CNTN5: variants seen among roughly 807,000 people sequenced by gnomAD.
CNTN5 encodes contactin 5.
A neutral mutation model predicts 129.1 loss-of-function variants in CNTN5; 77 were observed. The ratio of observed to expected loss-of-function variants is 0.60; its 90% CI spans 0.50 to 0.72. The LOEUF (loss-of-function observed/expected upper bound fraction) is 0.72, where lower values mean the gene tolerates loss of function less well. Among genes scored for constraint, CNTN5 ranks in the 30% least tolerant of loss-of-function variants. The probability of loss-of-function intolerance (pLI) is 0.00; values close to 1 mark genes in which losing one functional copy is unlikely to be tolerated. For missense variants in CNTN5, 1,478 were observed against 1,328.8 expected (o/e 1.11, Z -1.75); for synonymous variants, 509 against 465.6 (o/e 1.09, Z -1.20).
At chr11:99,455,844 G>A (rs143129124) in intron 2 of CNTN5, among the ~76,000 whole-genome samples, 25 of 152,214 alleles carry the variant, frequency 1.6e-4, no homozygotes, top group Middle Eastern at 6.8e-3. Context: ...TCATTTAGGC[G>A]TAATATTGCT....
intron 3 of CNTN5, chr11:99,558,102 G>A: frequency 5.6e-6 from 1 of 177,168 alleles, no homozygotes; most frequent in Middle Eastern, 1.6e-3. Context: ...TATCTCAAAG[G>A]CATTAAGAGT....
chr11:99,516,544 T>C (rs1034107843), intron 2 of CNTN5, among the ~76,000 whole-genome samples: 2 of 152,010 alleles, frequency 1.3e-5, no homozygotes, highest in African/African-American at 2.4e-5. Flanking sequence ...TCCACACACA[T>C]ACATGCTTAC....
At chr11:99,625,565 T>C (rs1038451604) in intron 3 of CNTN5, among the ~76,000 whole-genome samples, 70 of 152,182 alleles carry the variant, frequency 4.6e-4, no homozygotes, top group Admixed American at 9.2e-4. Context: ...TCTTAATTAA[T>C]GACCAAAATA....
intron 1 of CNTN5, among the ~76,000 whole-genome samples, chr11:99,265,714 A>G (rs981920409): frequency 1.3e-5 from 2 of 152,028 alleles, no homozygotes; most frequent in African/African-American, 4.8e-5. Context: ...TTTATCTTAG[A>G]AAACAAATCA....
intron 21 of CNTN5, 106 bp from the exon 22 acceptor site, chr11:100,340,357 C>T (rs984645752): frequency 2.7e-6 from 2 of 737,186 alleles, no homozygotes; most frequent in African/African-American, 3.6e-5. Flanking sequence ...GTGATTTCTT[C>T]CTATGGGTGG....
Position 100,149,416 on chromosome 11 carries a change from C to G in CNTN5, c.1581-41710C>G, listed in dbSNP as rs530626553. ...GAATTGAAGTATAGCTCTTTGTGATCCATTCTGTTGAAGATGAAATATCTG... is the reference window on the plus strand; with the variant it reads ...GAATTGAAGTATAGCTCTTTGTGATGCATTCTGTTGAAGATGAAATATCTG... On this transcript the variant is annotated intron_variant, in intron 13 of 24. Coordinates refer to ENST00000524871, the MANE Select transcript of CNTN5 (RefSeq NM_014361.4). Among the ~76,000 whole-genome samples the G allele has an allele frequency of 1.2e-3, 185 of 152,176 alleles. 3 individuals are homozygous for G. In the South Asian group the frequency reaches 0.035, roughly 29 times the overall value.
intron 7 of CNTN5, among the ~76,000 whole-genome samples, chr11:99,941,571 A>AACACAC (rs71305315): frequency 6.7e-6 from 1 of 148,270 alleles, no homozygotes; most frequent in Non-Finnish European, 1.5e-5. Context: ...ACATAAGACA[A>AACACAC]ACACACACAC....
intron 3 of CNTN5, among the ~76,000 whole-genome samples, chr11:99,754,464 A>G (rs1449199348): frequency 6.6e-6 from 1 of 152,150 alleles, no homozygotes; most frequent in African/African-American, 2.4e-5. Flanking sequence ...ATTTTTCTCA[A>G]CTCATGCCTT....
intron 3 of CNTN5, among the ~76,000 whole-genome samples, chr11:99,560,594 A>G (rs1264358098): frequency 1.3e-5 from 2 of 152,120 alleles, no homozygotes; most frequent in Non-Finnish European, 2.9e-5. Flanking sequence ...CCCAGCCTGT[A>G]TTATTAATAG....
chr11:99,518,792 C>T (rs1030623207), intron 2 of CNTN5, among the ~76,000 whole-genome samples: 1 of 151,932 alleles, frequency 6.6e-6, no homozygotes, highest in African/African-American at 2.4e-5. Flanking sequence ...AATAATTATG[C>T]CCATATAATG....
In CNTN5 at chr11:100,308,483, A is replaced by G; in HGVS notation, c.2730+15A>G. 1 of 1,605,852 alleles carries G rather than the reference A, an allele frequency of 6.2e-7. No individual in the cohort carries two copies. The highest frequency in any genetic ancestry group is 1.7e-4 in the Middle Eastern group (1 of 6,012). On this transcript the variant is annotated intron_variant, in intron 21 of 24. Coordinates refer to ENST00000524871, the MANE Select transcript of CNTN5 (RefSeq NM_014361.4). ...AGGGATTTGAGGTATGAACAGAATG[A>G]TTGAAAATAAGCCTTATTGTTTCTT...
intron 2 of CNTN5, among the ~76,000 whole-genome samples, chr11:99,378,117 T>A (rs1185066979): frequency 6.6e-6 from 1 of 152,130 alleles, no homozygotes; most frequent in Non-Finnish European, 1.5e-5. Context: ...TTTTGGAAAT[T>A]ACATAATTTT....
chr11:99,910,366 G>T (rs1220945036), intron 6 of CNTN5, among the ~76,000 whole-genome samples: 1 of 151,990 alleles, frequency 6.6e-6, no homozygotes, highest in Admixed American at 6.6e-5. Flanking sequence ...ATTTGCTCTA[G>T]AGTGTGTTAT....
intron 6 of CNTN5, among the ~76,000 whole-genome samples, chr11:99,851,038 T>G (rs1474813439): frequency 6.5e-5 from 2 of 30,938 alleles, no homozygotes; most frequent in African/African-American, 2.6e-4. Context: ...TAATTTTGAT[T>G]TGGACAACTA....
chr11:99,678,339 A>AAT (rs149205666), intron 3 of CNTN5, among the ~76,000 whole-genome samples: 82 of 151,862 alleles, frequency 5.4e-4, no homozygotes, highest in African/African-American at 9.2e-4. Context: ...TATATACTCT[A>AAT]ATATATATAT....
chr11:99,724,150 T>C (rs1432641373), intron 3 of CNTN5, among the ~76,000 whole-genome samples: 1 of 152,164 alleles, frequency 6.6e-6, no homozygotes, highest in Non-Finnish European at 1.5e-5. Flanking sequence ...AACAGGCTCC[T>C]CTTCAGTGCC....
intron 1 of CNTN5, among the ~76,000 whole-genome samples, chr11:99,087,086 C>T (rs1866036491): frequency 6.6e-6 from 1 of 152,064 alleles, no homozygotes; most frequent in African/African-American, 2.4e-5. Flanking sequence ...CCTTACTGTA[C>T]TAGGGAAACA....
intron 2 of CNTN5, among the ~76,000 whole-genome samples, chr11:99,431,029 T>C (rs1235353224): frequency 6.6e-6 from 1 of 151,636 alleles, no homozygotes; most frequent in Non-Finnish European, 1.5e-5. Flanking sequence ...CATTTCTTTT[T>C]GCAACTGCAG....
chr11:99,755,102 T>A (rs1302568364), intron 3 of CNTN5, among the ~76,000 whole-genome samples: 2 of 152,166 alleles, frequency 1.3e-5, no homozygotes, highest in Non-Finnish European at 2.9e-5. Context: ...TGAAAAATAC[T>A]CCATTATCTG....
Sources: gnomAD v4.1 joint callset for allele counts (sites outside exome capture counted in the v4.1 genomes callset) on GRCh38, gnomAD v4.1.1 for gene constraint, MANE v1.5 for transcripts, NCBI Gene and HGNC (gene_info 2026-07-23, HGNC 2026-07-21) for gene names.